The following RSPO2 variants were observed in gnomAD, a reference collection of about 807,000 sequenced individuals.
The protein encoded by RSPO2 is R-spondin-2.
A neutral mutation model predicts 30.9 loss-of-function variants in RSPO2; 14 were observed. The ratio of observed to expected loss-of-function variants is 0.45; its 90% confidence interval spans 0.30 to 0.71. The LOEUF (loss-of-function observed/expected upper bound fraction) is 0.71, where lower values mean the gene tolerates loss of function less well. Among genes scored for constraint, RSPO2 ranks in the 30% least tolerant of loss-of-function variants. The probability of loss-of-function intolerance (pLI) is 0.08; values close to 1 mark genes in which losing one functional copy is unlikely to be tolerated. For missense variants in RSPO2, 264 were observed against 301.9 expected (o/e 0.87, Z 0.93); for synonymous variants, 107 against 96.4 (o/e 1.11, Z -0.64).
chr8:108,078,988 T>C (rs1813102335), intron 2 of RSPO2, among the ~76,000 whole-genome samples: 2 of 152,214 alleles, frequency 1.3e-5, no homozygotes, highest in South Asian at 4.1e-4. Flanking sequence ...GATTTGTCTA[T>C]CCACCTTTCA....
chr8:107,968,311 C>G (rs1264648851), intron 3 of RSPO2, among the ~76,000 whole-genome samples: 3 of 152,026 alleles, frequency 2.0e-5, no homozygotes, highest in African/African-American at 7.2e-5. Flanking sequence ...ATGGATGGAA[C>G]TGGGGGACAT....
intron 2 of RSPO2, among the ~76,000 whole-genome samples, chr8:108,037,120 G>A (rs199874864): frequency 6.6e-6 from 1 of 152,002 alleles, no homozygotes; most frequent in Admixed American, 6.5e-5. Flanking sequence ...AAAACTAGAC[G>A]TGATTAAGCT....
At chr8:107,995,427 T>C (rs2130541820) in intron 2 of RSPO2, among the ~76,000 whole-genome samples, 1 of 152,252 alleles carries the variant, frequency 6.6e-6, no homozygotes, top group Middle Eastern at 3.4e-3. Flanking sequence ...ATACACATCA[T>C]ACTGTACCTG....
chr8:108,025,304 A>C (rs1032618073), intron 2 of RSPO2, among the ~76,000 whole-genome samples: 2 of 152,188 alleles, frequency 1.3e-5, no homozygotes, highest in African/African-American at 4.8e-5. Context: ...GAATGTAAAA[A>C]TCCACCTAAA....
intron 2 of RSPO2, among the ~76,000 whole-genome samples, chr8:108,023,404 G>C (rs144602937): frequency 3.3e-4 from 51 of 152,278 alleles, no homozygotes; most frequent in African/African-American, 1.1e-3. Context: ...AGGAACAAGA[G>C]AGTCTTTGTC....
intron 5 of RSPO2, among the ~76,000 whole-genome samples, chr8:107,943,142 T>C (rs767963680): frequency 1.6e-4 from 25 of 152,348 alleles, no homozygotes; most frequent in Admixed American, 3.3e-4. Flanking sequence ...GAGCCCAACA[T>C]TGAACATTTC....
intron 3 of RSPO2, chr8:107,984,018 G>C (rs1003585302): frequency 6.3e-6 from 4 of 637,726 alleles, no homozygotes; most frequent in Non-Finnish European, 1.1e-5. Flanking sequence ...TACAGTAATC[G>C]TTAATCCAGC....
intron 5 of RSPO2, among the ~76,000 whole-genome samples, chr8:107,935,469 C>G (rs978706747): frequency 1.3e-5 from 2 of 151,966 alleles, no homozygotes; most frequent in African/African-American, 4.8e-5. Context: ...TTGGCCAGAA[C>G]TCTAATAGAA....
intron 5 of RSPO2, among the ~76,000 whole-genome samples, chr8:107,923,141 C>T (rs979667308): frequency 1.3e-5 from 2 of 152,096 alleles, no homozygotes; most frequent in African/African-American, 4.8e-5. Flanking sequence ...GTAAAATAGA[C>T]AACCTCCAGA....
chr8:107,986,912 T>C (rs1380891087), intron 3 of RSPO2, among the ~76,000 whole-genome samples: 2 of 152,166 alleles, frequency 1.3e-5, no homozygotes, highest in Non-Finnish European at 2.9e-5. Context: ...CTATGAGAAA[T>C]AAATTATCAA....
At chr8:108,011,156 G>T (rs1305475170) in intron 2 of RSPO2, among the ~76,000 whole-genome samples, 2 of 95,554 alleles carry the variant, frequency 2.1e-5, no homozygotes, top group African/African-American at 8.2e-5. Context: ...AAAAAAGAAA[G>T]AAAGAAAGAA....
chr8:107,985,093 C>T (rs1447640896), intron 3 of RSPO2, among the ~76,000 whole-genome samples: 3 of 152,048 alleles, frequency 2.0e-5, no homozygotes, highest in Non-Finnish European at 4.4e-5. Flanking sequence ...ATTCAAGTGA[C>T]AAATATGTGT....
At chr8:107,933,097 T>C (rs1177021033) in intron 5 of RSPO2, among the ~76,000 whole-genome samples, 1 of 152,146 alleles carries the variant, frequency 6.6e-6, no homozygotes, top group Non-Finnish European at 1.5e-5. Flanking sequence ...CCTGTTTATG[T>C]TATTCCATCA....
At chr8:107,950,021 C>T (rs1382821147) in intron 5 of RSPO2, among the ~76,000 whole-genome samples, 2 of 152,128 alleles carry the variant, frequency 1.3e-5, no homozygotes, top group Non-Finnish European at 1.5e-5. Flanking sequence ...CATCGTCCAC[C>T]ATGTGATTCC....
chr8:107,998,779 GCT>G (rs1815117398), intron 2 of RSPO2, among the ~76,000 whole-genome samples: 2 of 152,086 alleles, frequency 1.3e-5, no homozygotes, highest in South Asian at 4.1e-4. Flanking sequence ...GGCAATGGTG[GCT>G]CACGTCTGTA....
chr8:107,983,669 T>C (rs1814527037), intron 3 of RSPO2: 2 of 1,593,232 alleles, frequency 1.3e-6, no homozygotes, highest in South Asian at 1.1e-5. Flanking sequence ...GTGGAATTCC[T>C]TGTGGCAGAG....
At chr8:108,043,296 T>G (rs1306352195) in intron 2 of RSPO2, among the ~76,000 whole-genome samples, 4 of 152,120 alleles carry the variant, frequency 2.6e-5, no homozygotes, top group African/African-American at 7.2e-5. Flanking sequence ...CACTTTAAAA[T>G]CCTGCATGTT....
At chr8:108,003,314 T>A (rs2514829) in intron 2 of RSPO2, among the ~76,000 whole-genome samples, 4,823 of 19,834 alleles carry the variant, frequency 0.24, 30 homozygotes, top group Non-Finnish European at 0.32. Context: ...TATATATATT[T>A]TTTTTTTTTT....
At chr8:107,959,984 G>A (rs1032985190) in intron 4 of RSPO2, among the ~76,000 whole-genome samples, 2 of 152,002 alleles carry the variant, frequency 1.3e-5, no homozygotes, top group African/African-American at 4.8e-5. Flanking sequence ...GAAATTCTGG[G>A]GAGGGGGCAT....
Sources: gnomAD v4.1 joint callset for allele counts (sites outside exome capture counted in the v4.1 genomes callset) on GRCh38, gnomAD v4.1.1 for gene constraint, MANE v1.5 for transcripts, NCBI Gene and HGNC (gene_info 2026-07-23, HGNC 2026-07-21) for gene names.